The following FAAH2 variants were observed in gnomAD, a reference collection of about 807,000 sequenced individuals.
The protein encoded by FAAH2 is fatty-acid amide hydrolase 2.
FAAH2 carries 60 observed loss-of-function variants against 36.9 expected under a neutral mutation model. The observed-to-expected ratio is 1.63, with a 90% CI of 1.32 to 2.02. The LOEUF (loss-of-function observed/expected upper bound fraction) is 2.02, where lower values mean the gene tolerates loss of function less well. Among genes scored for constraint, FAAH2 ranks in the 30% most tolerant of loss-of-function variants. FAAH2 has a pLI of 0.00. For synonymous variants in FAAH2, 214 were observed against 143.8 expected (o/e 1.49, Z -3.49); for missense variants, 689 against 397.5 (o/e 1.73, Z -6.23).
chrX:57,320,927 G>A lies in FAAH2; in HGVS notation c.412+10198G>A, dbSNP rs374773722. Among the ~76,000 whole-genome samples, 196 of 111,225 alleles carry A rather than the reference G, an allele frequency of 1.8e-3. 4 individuals are homozygous for A. Among genetic ancestry groups the A allele is most frequent in the Non-Finnish European group, 2.9e-3 (153 of 52,975 alleles). ...GCCAAGGCAGGTGGATCATGAGGTC[G>A]GCAGATCGAGACCATCCTGGCTAAC... On this transcript the variant is annotated intron_variant, in intron 3 of 10. Coordinates refer to ENST00000374900, the MANE Select transcript of FAAH2 (RefSeq NM_174912.4).
the FAAH2 span, among the ~76,000 whole-genome samples, chrX:57,275,763 G>A: frequency 1.5e-4 from 17 of 111,116 alleles, no homozygotes; most frequent in African/African-American, 5.2e-4. Context: ...AAAAAGAAGC[G>A]GTTGCAATGC....
chrX:57,266,937 A>G, the FAAH2 span, among the ~76,000 whole-genome samples: 1 of 112,330 alleles, frequency 8.9e-6, no homozygotes, highest in Non-Finnish European at 1.9e-5. Context: ...ATTGGACCTG[A>G]TCTCTGCAGG....
intron 5 of FAAH2, among the ~76,000 whole-genome samples, chrX:57,361,599 T>C (rs188960467): frequency 4.7e-4 from 53 of 111,630 alleles, no homozygotes; most frequent in Middle Eastern, 4.6e-3. Context: ...GTCTCCAAAA[T>C]TCCTCTTGTT....
At chrX:57,138,567 G>C in the FAAH2 span, among the ~76,000 whole-genome samples, 1 of 110,902 alleles carries the variant, frequency 9.0e-6, no homozygotes. Context: ...CTTTCTTTTG[G>C]ATATATACCC....
intron 3 of FAAH2, among the ~76,000 whole-genome samples, chrX:57,322,632 G>A (rs994320571): frequency 9.0e-6 from 1 of 110,864 alleles, no homozygotes; most frequent in African/African-American, 3.3e-5. Flanking sequence ...TTTCTGGAAT[G>A]TCAATGAGTT....
At chrX:57,471,017 C>T (rs1235398888) in intron 10 of FAAH2, among the ~76,000 whole-genome samples, 1 of 111,945 alleles carries the variant, frequency 8.9e-6, no homozygotes. Context: ...TCAATAGATG[C>T]AGAAAAGGGC....
At chrX:57,302,618 A>G (rs2052406631) in intron 2 of FAAH2, among the ~76,000 whole-genome samples, 1 of 111,418 alleles carries the variant, frequency 9.0e-6, no homozygotes, top group African/African-American at 3.3e-5. Flanking sequence ...GGAGAAAGTG[A>G]TATAATGTGT....
chrX:57,423,942 C>T (rs2056097454), intron 7 of FAAH2, among the ~76,000 whole-genome samples: 2 of 111,541 alleles, frequency 1.8e-5, no homozygotes, highest in South Asian at 7.6e-4. Context: ...ACCTAATGAA[C>T]AGGAGGACAA....
chrX:57,448,419 G>C (rs2056723703), intron 9 of FAAH2, 105 bp from the exon 10 acceptor site: 3 of 744,400 alleles, frequency 4.0e-6, no homozygotes, highest in South Asian at 3.1e-5. Context: ...TACTTTCTCA[G>C]TGTTCTATAA....
chrX:57,219,597 G>A, the FAAH2 span, among the ~76,000 whole-genome samples: 3 of 112,224 alleles, frequency 2.7e-5, no homozygotes, highest in Non-Finnish European at 5.6e-5. Flanking sequence ...CCAGGCACCC[G>A]ATAATTATCT....
At chrX:57,277,392 C>G in the FAAH2 span, among the ~76,000 whole-genome samples, 3 of 111,775 alleles carry the variant, frequency 2.7e-5, no homozygotes, top group Non-Finnish European at 5.6e-5. Context: ...TGCTAAAACT[C>G]TCAATAAACT....
chrX:57,241,467 A>G, the FAAH2 span, among the ~76,000 whole-genome samples: 4 of 112,355 alleles, frequency 3.6e-5, no homozygotes, highest in Admixed American at 3.7e-4. Context: ...CAGACCTATT[A>G]AAAAGTGGGC....
the FAAH2 span, among the ~76,000 whole-genome samples, chrX:57,235,456 C>T: frequency 1.8e-5 from 2 of 111,606 alleles, no homozygotes; most frequent in East Asian, 2.8e-4. Context: ...TTAATACTAT[C>T]ATCAAAACTG....
At chrX:57,437,819 A>T (rs1291487111) in intron 8 of FAAH2, among the ~76,000 whole-genome samples, 1 of 102,718 alleles carries the variant, frequency 9.7e-6, no homozygotes, top group African/African-American at 3.4e-5. Flanking sequence ...TTATATTTTT[A>T]AATTATATAA....
the FAAH2 span, among the ~76,000 whole-genome samples, chrX:57,272,024 T>G: frequency 4.6e-5 from 5 of 109,032 alleles, no homozygotes; most frequent in African/African-American, 1.7e-4. Flanking sequence ...TTAGCCGAAT[T>G]GCTAACTAGA....
Position 57,341,357 on chromosome X carries a change from T to C in FAAH2, c.709T>C (p.Phe237Leu), listed in dbSNP as rs1342609549. Reference sequence around the variant, plus strand: ...TGGTAGCATTCGAATGCCTGCTTTCTTCAATGGTATATTTGGACACAAGCC... The same window carrying C: ...TGGTAGCATTCGAATGCCTGCTTTCCTCAATGGTATATTTGGACACAAGCC... ...IGGSIRMPAF[F>L]NGIFGHKPSP... Residue 237 changes from phenylalanine (F) to leucine (L), a missense_variant, in exon 5 of 11, where the codon TTC becomes CTC. Physicochemically the swap from Phe to Leu is conservative, Grantham distance 22. Transcript: ENST00000374900. 8.3e-7 allele frequency: 1 copy of C among 1,210,822 alleles called. No homozygotes were observed. The highest frequency in any genetic ancestry group is 2.2e-5 in the Admixed American group (1 of 45,962).
chrX:57,456,257 A>G (rs2056863756), intron 10 of FAAH2, among the ~76,000 whole-genome samples: 1 of 112,214 alleles, frequency 8.9e-6, no homozygotes, highest in Non-Finnish European at 1.9e-5. Context: ...TTAATGAAAT[A>G]GGAGACACAG....
At chrX:57,441,208 G>GA (rs748064590) in intron 8 of FAAH2, among the ~76,000 whole-genome samples, 6 of 111,644 alleles carry the variant, frequency 5.4e-5, no homozygotes, top group African/African-American at 1.6e-4. Context: ...ACCTCTGGTA[G>GA]AATTCGGCTA....
intron 10 of FAAH2, among the ~76,000 whole-genome samples, chrX:57,486,821 G>A (rs1179180517): frequency 8.9e-6 from 1 of 111,833 alleles, no homozygotes; most frequent in African/African-American, 3.2e-5. Context: ...GAATGCAGCT[G>A]TTATCTGTTC....
Sources: allele counts gnomAD v4.1 joint callset (sites outside exome capture counted in the v4.1 genomes callset), GRCh38; gene constraint gnomAD v4.1.1; transcripts MANE v1.5; gene names NCBI Gene and HGNC (gene_info 2026-07-23, HGNC 2026-07-21).